RAD54L2: variants seen among roughly 807,000 people sequenced by gnomAD.
The protein encoded by RAD54L2 is helicase ARIP4.
A neutral mutation model predicts 138.4 loss-of-function variants in RAD54L2; 27 were observed. The ratio of observed to expected loss-of-function variants is 0.20; its 90% CI spans 0.14 to 0.27. RAD54L2 has a LOEUF of 0.27. Among genes scored for constraint, RAD54L2 ranks in the 10% least tolerant of loss-of-function variants. The pLI, the probability that RAD54L2 is intolerant of heterozygous loss-of-function variation, is 1.00. For synonymous variants in RAD54L2, 644 were observed against 723.2 expected (o/e 0.89, Z 1.76); for missense variants, 1,396 against 1,890.2 (o/e 0.74, Z 4.85).
chr3:51,547,384 A>AG (rs1698724294), intron 2 of RAD54L2, among the ~76,000 whole-genome samples: 1 of 151,988 alleles, frequency 6.6e-6, no homozygotes, highest in East Asian at 1.9e-4. Context: ...TCAAAAAAAA[A>AG]AAAGGAAGAT....
At chr3:51,654,044 G>T (rs528872923) in intron 19 of RAD54L2, among the ~76,000 whole-genome samples, 1 of 152,046 alleles carries the variant, frequency 6.6e-6, no homozygotes. Context: ...TTTTATGAGT[G>T]GATTTGTTGT....
chr3:51,636,858 G>A (rs1422752641), intron 10 of RAD54L2, among the ~76,000 whole-genome samples: 5 of 152,106 alleles, frequency 3.3e-5, no homozygotes, highest in Non-Finnish European at 5.9e-5. Context: ...GCTTGAACCC[G>A]GGAGGCAGAG....
Position 51,668,103 on chromosome 3 carries a change from T to G in RAD54L2, c.*4683T>G, listed in dbSNP as rs1424254734. The stretch of plus-strand genomic sequence containing the variant: ...TGTGTGTGAGTGTGTGTGTGTGTGT[T>G]TGTGTGCTGTGCTCATGTGCACCTG... On this transcript the variant is annotated 3_prime_UTR_variant, in exon 23 of 23. Transcript: ENST00000684192. The G allele has an allele frequency of 5.3e-5, 8 of 149,974 alleles. No homozygotes were observed. The highest frequency in any genetic ancestry group is 1.5e-4 in the African/African-American group (6 of 39,308). The allele number at this position is 149,974 out of a possible 1,614,324, so 9.3% of individuals were successfully genotyped here.
chr3:51,543,883 G>A (rs1250795947), intron 2 of RAD54L2, among the ~76,000 whole-genome samples: 2 of 152,038 alleles, frequency 1.3e-5, no homozygotes, highest in African/African-American at 4.8e-5. Context: ...CCAGGAGTTC[G>A]GGCACCACCT....
intron 2 of RAD54L2, among the ~76,000 whole-genome samples, chr3:51,554,635 G>A (rs930301839): frequency 1.3e-5 from 2 of 152,148 alleles, no homozygotes; most frequent in Non-Finnish European, 1.5e-5. Context: ...GTTTGTGGTG[G>A]AAAATTTGCA....
chr3:51,609,587 C>T (rs1700283339), intron 3 of RAD54L2, among the ~76,000 whole-genome samples: 1 of 152,136 alleles, frequency 6.6e-6, no homozygotes, highest in Non-Finnish European at 1.5e-5. Flanking sequence ...TATTTCTTTG[C>T]CTCTTGTGCT....
intron 2 of RAD54L2, among the ~76,000 whole-genome samples, chr3:51,572,843 T>A (rs1022029012): frequency 6.6e-6 from 1 of 151,774 alleles, no homozygotes; most frequent in African/African-American, 2.4e-5. Flanking sequence ...TTTCACCATG[T>A]TGGCCAGGCC....
intron 3 of RAD54L2, among the ~76,000 whole-genome samples, chr3:51,598,109 ATG>A (rs1301300380): frequency 2.8e-5 from 4 of 145,230 alleles, no homozygotes; most frequent in African/African-American, 1.1e-4. Flanking sequence ...ATATATATAT[ATG>A]TGTGTGTGTA....
At chr3:51,560,205 C>T (rs1699065577) in intron 2 of RAD54L2, among the ~76,000 whole-genome samples, 1 of 152,010 alleles carries the variant, frequency 6.6e-6, no homozygotes, top group South Asian at 2.1e-4. Flanking sequence ...TCAACCTGGG[C>T]TTGTGTTTGA....
In RAD54L2 at chr3:51,662,863, C is replaced by T; in HGVS notation, c.3847C>T (p.Pro1283Ser). 1 of 1,613,686 alleles carries T rather than the reference C, an allele frequency of 6.2e-7. No homozygotes were observed. ...GGGTCATCTGCCAGCCCCCGTGCAG[C>T]CGTATGAACACGGGTATCCAGTCTC... ...RKGHLPAPVQ[P>S]YEHGYPVSGG... is the part of the protein sequence containing the mutation. The change falls in exon 23 of 23, where the codon CCG (proline) becomes TCG (serine). Residue 1283 changes from proline to serine, a missense_variant. This residue lies in a region of RAD54L2 where 634 missense variants were observed against 711.2 expected (regional missense o/e 0.89). Coordinates refer to ENST00000684192, the MANE Select transcript of RAD54L2 (RefSeq NM_015106.4). This position sits in a 1 kb window ranked among gnomAD's most constrained non-coding sequence, Gnocchi z 4.6.
intron 2 of RAD54L2, among the ~76,000 whole-genome samples, chr3:51,562,082 C>T (rs1699111899): frequency 6.6e-6 from 1 of 151,670 alleles, no homozygotes; most frequent in Non-Finnish European, 1.5e-5. Context: ...GTCGCCCAGG[C>T]TGGAGTGCAG....
chr3:51,607,970 G>C (rs1395551415), intron 3 of RAD54L2, among the ~76,000 whole-genome samples: 1 of 145,476 alleles, frequency 6.9e-6, no homozygotes, highest in Non-Finnish European at 1.5e-5. Context: ...CCGGGTGGGG[G>C]CTGCCCCCCA....
intron 3 of RAD54L2, among the ~76,000 whole-genome samples, chr3:51,602,739 T>G (rs1700104235): frequency 6.6e-6 from 1 of 152,090 alleles, no homozygotes; most frequent in East Asian, 1.9e-4. Flanking sequence ...TCGTGGGCAT[T>G]GGGAATGGGG....
intron 21 of RAD54L2, among the ~76,000 whole-genome samples, chr3:51,659,250 C>T (rs1046280980): frequency 1.3e-5 from 2 of 151,852 alleles, no homozygotes; most frequent in East Asian, 1.9e-4. Context: ...GGACTACAGG[C>T]GCCCACCACC....
Position 51,637,587 on chromosome 3 carries a change from G to A in RAD54L2, c.1682+84G>A. 2.2e-6 allele frequency: 3 copies of A among 1,372,758 alleles called. No homozygotes were observed. 85.0% of individuals were successfully genotyped at this position (1,372,758 alleles called of 1,614,324 possible). A position where few individuals can be genotyped will look rare whatever the true frequency, so the allele number is the denominator to read the frequency against. On this transcript the variant is annotated intron_variant, in intron 11 of 22. Transcript: ENST00000684192. This position sits in a 1 kb window ranked among gnomAD's most constrained non-coding sequence, Gnocchi z 5.9. ...ATGCCAAACCTGTTATACAGGATAG[G>A]GTGTTGGAGTAGGAGGGCCCCTTCC...
At chr3:51,561,045 C>T (rs1441141615) in intron 2 of RAD54L2, among the ~76,000 whole-genome samples, 1 of 152,182 alleles carries the variant, frequency 6.6e-6, no homozygotes, top group Non-Finnish European at 1.5e-5. Flanking sequence ...TCTGCTTATA[C>T]CATTCTGCTC....
intron 3 of RAD54L2, among the ~76,000 whole-genome samples, chr3:51,603,480 A>G (rs1034366460): frequency 5.3e-5 from 8 of 151,986 alleles, no homozygotes; most frequent in Non-Finnish European, 1.2e-4. Context: ...GGTGGTAGGT[A>G]CCTGTAATCC....
At chr3:51,625,264 C>A (rs1700654087) in intron 3 of RAD54L2, among the ~76,000 whole-genome samples, 1 of 151,868 alleles carries the variant, frequency 6.6e-6, no homozygotes, top group South Asian at 2.1e-4. Context: ...ACTAAAAATA[C>A]AAAATTAGCT....
intron 10 of RAD54L2, among the ~76,000 whole-genome samples, chr3:51,636,747 C>T (rs1243155421): frequency 6.6e-6 from 1 of 152,186 alleles, no homozygotes; most frequent in African/African-American, 2.4e-5. Flanking sequence ...GCCTGGCCAA[C>T]ATGGTGAAAC....
Sources: allele counts gnomAD v4.1 joint callset (sites outside exome capture counted in the v4.1 genomes callset), GRCh38; gene constraint gnomAD v4.1.1; regional missense constraint gnomAD v4.1.1; non-coding constraint Gnocchi (gnomAD v3.1); transcripts MANE v1.5; gene names NCBI Gene and HGNC (gene_info 2026-07-23, HGNC 2026-07-21).